The following PDE4B variants were observed in gnomAD, a reference collection of about 807,000 sequenced individuals.
PDE4B encodes the protein 3',5'-cyclic-AMP phosphodiesterase 4B.
Under a neutral mutation model 82.2 loss-of-function variants are expected in PDE4B, and 20 were observed. The observed-to-expected ratio is 0.24, with a 90% CI of 0.17 to 0.35. The LOEUF (loss-of-function observed/expected upper bound fraction) is 0.35. Among genes scored for constraint, PDE4B ranks in the 10% least tolerant of loss-of-function variants. The pLI is 1.00. For synonymous variants in PDE4B, 320 were observed against 318.9 expected (o/e 1.00, Z -0.04); for missense variants, 655 against 907.2 (o/e 0.72, Z 3.57).
chr1:65,908,415 TC>T (rs1647051027), intron 1 of PDE4B, among the ~76,000 whole-genome samples: 1 of 152,158 alleles, frequency 6.6e-6, no homozygotes, highest in Non-Finnish European at 1.5e-5. Context: ...CAGTATCTCT[TC>T]TCTCCATTGA....
intron 7 of PDE4B, among the ~76,000 whole-genome samples, chr1:66,270,610 A>G (rs183379130): frequency 3.1e-4 from 47 of 152,348 alleles, no homozygotes; most frequent in Admixed American, 1.4e-3. Context: ...GCTGCATCAG[A>G]TGACTGGAAA....
intron 1 of PDE4B, among the ~76,000 whole-genome samples, chr1:65,901,923 G>T (rs1221830756): frequency 6.6e-6 from 1 of 151,908 alleles, no homozygotes; most frequent in Non-Finnish European, 1.5e-5. Context: ...CTTGGTTTAG[G>T]TGTTTAGCAC....
chr1:66,070,690 A>G (rs551779306), intron 3 of PDE4B, among the ~76,000 whole-genome samples: 1 of 152,190 alleles, frequency 6.6e-6, no homozygotes, highest in African/African-American at 2.4e-5. Flanking sequence ...AGAAAAAAGC[A>G]GGAAAGAGAT....
rs148845913 is a variant in PDE4B, at chr1:66,242,537, A to C, written c.282-4923A>C. ...AAAATCTCCTCTGGTTCAGAAATGAATTATTCCTAGGATGTTGCTTCATGA... is the reference window on the plus strand; with the variant it reads ...AAAATCTCCTCTGGTTCAGAAATGACTTATTCCTAGGATGTTGCTTCATGA... On this transcript the variant is annotated intron_variant, in intron 3 of 16. Transcript: ENST00000341517. Among the ~76,000 whole-genome samples the C allele has an allele frequency of 7.5e-3, 1,139 of 152,318 alleles. 7 individuals carry two copies. The highest frequency in any genetic ancestry group is 0.024 in the Middle Eastern group (7 of 294).
chr1:65,876,449 C>A (rs1212970271), intron 1 of PDE4B, among the ~76,000 whole-genome samples: 1 of 151,910 alleles, frequency 6.6e-6, no homozygotes, highest in Non-Finnish European at 1.5e-5. Flanking sequence ...TACATACATA[C>A]ATATGTGTAT....
At chr1:66,224,923 T>A (rs756303636) in intron 3 of PDE4B, among the ~76,000 whole-genome samples, 3 of 152,208 alleles carry the variant, frequency 2.0e-5, no homozygotes, top group Non-Finnish European at 4.4e-5. Flanking sequence ...GTCGCATTCT[T>A]ACTGAGAAAA....
chr1:65,909,822 CT>C (rs1434642149), intron 1 of PDE4B, among the ~76,000 whole-genome samples: 2 of 152,158 alleles, frequency 1.3e-5, no homozygotes, highest in Non-Finnish European at 2.9e-5. Context: ...CATTTAAAAA[CT>C]TTAGTATCTT....
chr1:65,993,102 A>G (rs1221860717), intron 3 of PDE4B: 1 of 1,613,734 alleles, frequency 6.2e-7, no homozygotes. Flanking sequence ...GGTGAATAAA[A>G]GCATTCGGCA....
At chr1:66,078,716 G>A (rs1209707236) in intron 3 of PDE4B, among the ~76,000 whole-genome samples, 1 of 152,048 alleles carries the variant, frequency 6.6e-6, no homozygotes, top group African/African-American at 2.4e-5. Flanking sequence ...ATCATAAATT[G>A]TACTTTAAAT....
chr1:65,806,447 A>G (rs996226449), intron 1 of PDE4B, among the ~76,000 whole-genome samples: 4 of 152,206 alleles, frequency 2.6e-5, no homozygotes, highest in Admixed American at 6.5e-5. Context: ...AATATATGAT[A>G]TATTTCTCCC....
intron 3 of PDE4B, among the ~76,000 whole-genome samples, chr1:66,099,508 C>A (rs1360812319): frequency 6.6e-6 from 1 of 152,072 alleles, no homozygotes; most frequent in Non-Finnish European, 1.5e-5. Context: ...ATTTCAACTT[C>A]ATTGTTCTAA....
intron 1 of PDE4B, among the ~76,000 whole-genome samples, chr1:65,814,471 A>G (rs1036263270): frequency 3.9e-5 from 6 of 152,214 alleles, no homozygotes; most frequent in Admixed American, 6.5e-5. Context: ...GATACTGCTT[A>G]AGTACAATAA....
At chr1:66,281,086 T>C (rs1013710708) in intron 7 of PDE4B, among the ~76,000 whole-genome samples, 2 of 152,210 alleles carry the variant, frequency 1.3e-5, no homozygotes, top group African/African-American at 4.8e-5. Flanking sequence ...TCACTCTTAT[T>C]TATCTTCTGA....
chr1:66,053,975 A>T (rs907727650), intron 3 of PDE4B, among the ~76,000 whole-genome samples: 2 of 152,188 alleles, frequency 1.3e-5, no homozygotes, highest in African/African-American at 4.8e-5. Context: ...TTCAGTGCTC[A>T]CACCATAACA....
intron 3 of PDE4B, among the ~76,000 whole-genome samples, chr1:66,136,613 G>A (rs1646060953): frequency 6.6e-6 from 1 of 150,502 alleles, no homozygotes; most frequent in South Asian, 2.1e-4. Context: ...GGTAGGCTGG[G>A]GTTGAACCCA....
chr1:66,197,366 C>G (rs12562513), intron 3 of PDE4B, among the ~76,000 whole-genome samples: 74,129 of 152,002 alleles, frequency 0.49, 19,206 homozygotes, highest in South Asian at 0.63. Context: ...TAAATCAACT[C>G]ACTCCACTAA....
intron 8 of PDE4B, among the ~76,000 whole-genome samples, chr1:66,349,693 A>C (rs1405985804): frequency 2.6e-5 from 4 of 152,168 alleles, no homozygotes; most frequent in Admixed American, 6.5e-5. Flanking sequence ...TGATTGGTAG[A>C]GTTTATAGGG....
intron 1 of PDE4B, among the ~76,000 whole-genome samples, chr1:65,880,495 A>G (rs953391223): frequency 1.3e-5 from 2 of 152,116 alleles, no homozygotes; most frequent in Non-Finnish European, 2.9e-5. Flanking sequence ...AGGTGATGGT[A>G]TTAGGAGGTT....
chr1:66,019,759 C>A (rs12727285), intron 3 of PDE4B, among the ~76,000 whole-genome samples: 30,515 of 152,188 alleles, frequency 0.2, 3,902 homozygotes, highest in Middle Eastern at 0.37. Context: ...ATTTTAATAT[C>A]ATCTAACAAT....
Sources: gnomAD v4.1 joint callset for allele counts (sites outside exome capture counted in the v4.1 genomes callset) on GRCh38, gnomAD v4.1.1 for gene constraint, MANE v1.5 for transcripts, NCBI Gene and HGNC (gene_info 2026-07-23, HGNC 2026-07-21) for gene names.